Variants in TNR observed in about 807,000 individuals in gnomAD.
The protein encoded by TNR is tenascin-R.
Under a neutral mutation model 150.4 loss-of-function variants are expected in TNR, and 45 were observed. The observed-to-expected ratio is 0.30, with a 90% CI of 0.24 to 0.38. The LOEUF (loss-of-function observed/expected upper bound fraction) is 0.38, where lower values mean the gene tolerates loss of function less well. Among genes scored for constraint, TNR ranks in the 10% least tolerant of loss-of-function variants. The pLI is 1.00. For synonymous variants in TNR, 687 were observed against 678.4 expected (o/e 1.01, Z -0.20); for missense variants, 1,544 against 1,759.1 (o/e 0.88, Z 2.19).
intron 1 of TNR, among the ~76,000 whole-genome samples, chr1:175,626,790 C>A (rs1323128): frequency 6.6e-6 from 1 of 151,990 alleles, no homozygotes; most frequent in Non-Finnish European, 1.5e-5. Context: ...AGAAAAGGGT[C>A]TTTGCAGATG....
At chr1:175,348,156 C>G (rs990098092) in intron 18 of TNR, among the ~76,000 whole-genome samples, 1 of 152,106 alleles carries the variant, frequency 6.6e-6, no homozygotes, top group East Asian at 1.9e-4. Flanking sequence ...CAAAAATTAT[C>G]AGCAATACAA....
intron 2 of TNR, among the ~76,000 whole-genome samples, chr1:175,511,065 A>G (rs559968243): frequency 6.6e-6 from 1 of 152,294 alleles, no homozygotes; most frequent in South Asian, 2.1e-4. Flanking sequence ...TCCTGCCCCA[A>G]TTCAGCCAAA....
chr1:175,376,047 G>T (rs1436304648), intron 9 of TNR, among the ~76,000 whole-genome samples: 2 of 152,052 alleles, frequency 1.3e-5, no homozygotes, highest in Non-Finnish European at 2.9e-5. Context: ...CTCTAAGTGA[G>T]TGCTTCTCAC....
intron 1 of TNR, among the ~76,000 whole-genome samples, chr1:175,718,431 A>C (rs1667213519): frequency 6.6e-6 from 1 of 152,216 alleles, no homozygotes; most frequent in Non-Finnish European, 1.5e-5. Flanking sequence ...CATCCCCTGA[A>C]ACCCCAGAGA....
Position 175,403,418 on chromosome 1 carries a change from A to C in TNR, c.698T>G (p.Leu233Arg), listed in dbSNP as rs747554074. Residue 233 changes from leucine to arginine, a missense_variant, in exon 4 of 23, where the codon CTC becomes CGC. Transcript: ENST00000367674. Reference protein sequence around the residue: ...SEYSGDDCSELRCPTDCSSRG... With the variant: ...SEYSGDDCSERRCPTDCSSRG... ...GGAGCTGCAGTCTGTTGGGCACCGGAGTTCGGAACAGTCATCCCCGCTGTA... is the reference window on the plus strand; with the variant it reads ...GGAGCTGCAGTCTGTTGGGCACCGGCGTTCGGAACAGTCATCCCCGCTGTA... The C allele has an allele frequency of 6.2e-6, 10 of 1,614,056 alleles. No individual in the cohort carries two copies. Among genetic ancestry groups the C allele is most frequent in the Middle Eastern group, 1.6e-4 (1 of 6,084 alleles).
intron 18 of TNR, among the ~76,000 whole-genome samples, chr1:175,352,486 A>C (rs921532639): frequency 2.0e-5 from 3 of 152,184 alleles, no homozygotes. Context: ...AGCGTGGAAA[A>C]GAGGACCATG....
At chr1:175,449,759 C>T (rs190113748) in intron 2 of TNR, among the ~76,000 whole-genome samples, 20 of 152,314 alleles carry the variant, frequency 1.3e-4, no homozygotes, top group African/African-American at 4.3e-4. Flanking sequence ...GATTTTCTTT[C>T]ACCTGCTCAT....
At chr1:175,563,150 T>C (rs1389765699) in intron 1 of TNR, among the ~76,000 whole-genome samples, 1 of 152,222 alleles carries the variant, frequency 6.6e-6, no homozygotes, top group Non-Finnish European at 1.5e-5. Flanking sequence ...GACATGGTTC[T>C]CTCTTTTCCT....
At chr1:175,396,447 T>C in intron 5 of TNR, 97 bp downstream of exon 5, 1 of 1,442,770 alleles carries the variant, frequency 6.9e-7, no homozygotes, top group South Asian at 1.3e-5. Context: ...ATTCCAGGCA[T>C]CCCTGAAGAA....
chr1:175,339,613 CTGTT>C (rs1557873644), intron 18 of TNR, among the ~76,000 whole-genome samples: 1 of 152,314 alleles, frequency 6.6e-6, no homozygotes, highest in South Asian at 2.1e-4. Flanking sequence ...TTTCATCTCA[CTGTT>C]TGAGTTTCTC....
At chr1:175,647,435 C>CAAAAAAAAA (rs397745737) in intron 1 of TNR, among the ~76,000 whole-genome samples, 15 of 121,664 alleles carry the variant, frequency 1.2e-4, no homozygotes, top group African/African-American at 4.3e-4. Context: ...CTATTCGGTG[C>CAAAAAAAAA]AAAAAAAAAA....
intron 2 of TNR, among the ~76,000 whole-genome samples, chr1:175,505,218 C>T (rs1398554357): frequency 6.6e-6 from 1 of 152,246 alleles, no homozygotes. Flanking sequence ...ATTTAGCCCT[C>T]TCTGCTGACA....
chr1:175,392,863 G>A (rs1258897343), intron 6 of TNR, among the ~76,000 whole-genome samples: 1 of 152,266 alleles, frequency 6.6e-6, no homozygotes, highest in Non-Finnish European at 1.5e-5. Context: ...ATGAGGGGTC[G>A]TACCTGTGAA....
At chr1:175,362,464 G>A (rs1320589516) in intron 14 of TNR, among the ~76,000 whole-genome samples, 199 bp downstream of exon 14, 2 of 152,172 alleles carry the variant, frequency 1.3e-5, no homozygotes, top group South Asian at 2.1e-4. Flanking sequence ...AAGACTTCTA[G>A]AGGGTGACTC....
chr1:175,432,223 A>C (rs1226649004), intron 2 of TNR, among the ~76,000 whole-genome samples: 1 of 152,148 alleles, frequency 6.6e-6, no homozygotes, highest in African/African-American at 2.4e-5. Flanking sequence ...CTGACCCTAT[A>C]GTAAAGAACT....
chr1:175,692,619 C>A (rs1666403049), intron 1 of TNR, among the ~76,000 whole-genome samples: 1 of 152,142 alleles, frequency 6.6e-6, no homozygotes, highest in Non-Finnish European at 1.5e-5. Context: ...TCACTGAGGG[C>A]TAAGCAGGAG....
chr1:175,418,491 A>C (rs1372916636), intron 2 of TNR, among the ~76,000 whole-genome samples: 1 of 152,194 alleles, frequency 6.6e-6, no homozygotes, highest in Non-Finnish European at 1.5e-5. Flanking sequence ...TGGGAGGCCA[A>C]GGCAGATGGA....
At chr1:175,731,343 A>T (rs1310890842) in intron 1 of TNR, among the ~76,000 whole-genome samples, 1 of 152,228 alleles carries the variant, frequency 6.6e-6, no homozygotes, top group Non-Finnish European at 1.5e-5. Context: ...CTCTATAGTA[A>T]TTCTACCATC....
chr1:175,536,306 A>T (rs953867009), intron 1 of TNR, among the ~76,000 whole-genome samples: 3 of 152,196 alleles, frequency 2.0e-5, no homozygotes, highest in African/African-American at 7.2e-5. Context: ...TTTATGGACC[A>T]AGCCATTAAA....
Sources: allele counts gnomAD v4.1 joint callset (sites outside exome capture counted in the v4.1 genomes callset), GRCh38; gene constraint gnomAD v4.1.1; transcripts MANE v1.5; gene names NCBI Gene and HGNC (gene_info 2026-07-23, HGNC 2026-07-21).